Variants in GUCY2C observed in about 807,000 individuals in gnomAD.
GUCY2C encodes the protein guanylyl cyclase C.
GUCY2C carries 118 observed loss-of-function variants against 131.1 expected under a neutral mutation model. The observed-to-expected ratio is 0.90, with a 90% CI of 0.78 to 1.05. The LOEUF is 1.05. Among genes scored for constraint, GUCY2C ranks in the 50% least tolerant of loss-of-function variants. GUCY2C has a pLI of 0.00. For missense variants in GUCY2C, 1,161 were observed against 1,304.4 expected (o/e 0.89, Z 1.69); for synonymous variants, 452 against 457.8 (o/e 0.99, Z 0.16).
chr12:14,634,439 G>A (rs911963294), intron 19 of GUCY2C, among the ~76,000 whole-genome samples: 2 of 152,152 alleles, frequency 1.3e-5, no homozygotes, highest in African/African-American at 4.8e-5. Context: ...GAAAACACAT[G>A]AAAGTATGAA....
intron 11 of GUCY2C, among the ~76,000 whole-genome samples, chr12:14,659,553 T>C (rs781017331): frequency 1.3e-5 from 2 of 152,214 alleles, no homozygotes; most frequent in African/African-American, 4.8e-5. Flanking sequence ...ATTCTCTTTG[T>C]ATGCTTCCAT....
At position 14,660,963 on chromosome 12, in the gene GUCY2C, T is replaced by C; in HGVS notation, c.1364+18A>G. 2.6e-6 allele frequency: 4 copies of C among 1,555,942 alleles called. No individual in the cohort carries two copies. The highest frequency in any genetic ancestry group is 3.5e-6 in the Non-Finnish European group (4 of 1,126,892). On this transcript the variant is annotated intron_variant, in intron 11 of 26. Transcript: ENST00000261170. ...CCTCTCTGGATACCGAACACAGGCATGATAGAGGCGGCTGTACCTGAGCAT... is the reference window on the plus strand; with the variant it reads ...CCTCTCTGGATACCGAACACAGGCACGATAGAGGCGGCTGTACCTGAGCAT...
chr12:14,616,713 C>G lies in GUCY2C; in HGVS notation c.2890G>C (p.Val964Leu). The part of the protein sequence containing the change: ...ESTGLPLRIH[V>L]SGSTIAILKR... ...AGGATGGCTATGGTGGAGCCACTCA[C>G]GTGAATTCTCAAAGCTGGAAATGCA... The change falls in exon 25 of 27, where the codon GTG (valine) becomes CTG (leucine). Residue 964 changes from valine to leucine, a missense_variant. By Grantham distance (32) the Val-to-Leu change is conservative (BLOSUM62 1). Coordinates refer to ENST00000261170, the MANE Select transcript of GUCY2C (RefSeq NM_004963.4). 1.9e-6 allele frequency: 3 copies of G among 1,600,142 alleles called. No homozygotes were observed. Among genetic ancestry groups the G allele is most frequent in the Non-Finnish European group, 2.6e-6 (3 of 1,167,462 alleles).
At chr12:14,622,282 G>T in intron 21 of GUCY2C, 85 bp from the exon 22 acceptor site, 1 of 772,248 alleles carries the variant, frequency 1.3e-6, no homozygotes, top group Non-Finnish European at 2.0e-6. Flanking sequence ...AGTAGTGATT[G>T]TCTACCAAGA....
At chr12:14,632,993 C>T (rs1167988610) in intron 19 of GUCY2C, among the ~76,000 whole-genome samples, 1 of 152,170 alleles carries the variant, frequency 6.6e-6, no homozygotes, top group Non-Finnish European at 1.5e-5. Context: ...AGAAGCTTGT[C>T]CTATCATGGC....
intron 11 of GUCY2C, among the ~76,000 whole-genome samples, chr12:14,657,562 A>AG (rs1947786653): frequency 1.3e-5 from 2 of 152,150 alleles, no homozygotes; most frequent in African/African-American, 4.8e-5. Flanking sequence ...GCTGCACAGC[A>AG]GGAGGTGAGA....
chr12:14,615,208 G>A (rs1946734737), intron 25 of GUCY2C, among the ~76,000 whole-genome samples: 1 of 151,872 alleles, frequency 6.6e-6, no homozygotes, highest in South Asian at 2.1e-4. Flanking sequence ...TTCCCCAAAA[G>A]ACATTTTAAA....
At chr12:14,685,127 G>A (rs960495925) in intron 3 of GUCY2C, among the ~76,000 whole-genome samples, 2 of 152,156 alleles carry the variant, frequency 1.3e-5, no homozygotes, top group Non-Finnish European at 2.9e-5. Flanking sequence ...AAAATGCTTT[G>A]CACGTAGAAG....
intron 5 of GUCY2C, 143 bp downstream of exon 5, chr12:14,681,213 A>G (rs1948340569): frequency 1.5e-6 from 1 of 679,980 alleles, no homozygotes; most frequent in Admixed American, 2.8e-5. Context: ...GTTGCATGCA[A>G]TTATAGATCT....
At chr12:14,666,322 A>C (rs1470890375) in intron 10 of GUCY2C, among the ~76,000 whole-genome samples, 1 of 152,246 alleles carries the variant, frequency 6.6e-6, no homozygotes, top group Admixed American at 6.5e-5. Flanking sequence ...CCTGGCTTTT[A>C]GTACAGCTGC....
chr12:14,686,185 C>T lies in GUCY2C; in HGVS notation c.371G>A (p.Cys124Tyr). ...RMGCVLIGPS[C>Y]TYSTFQMYLD... ...CTACATCTGGAAGGTGGAGTATGTACATGAGGGCCCTATGAGGACACAGCC... is the reference window on the plus strand; with the variant it reads ...CTACATCTGGAAGGTGGAGTATGTATATGAGGGCCCTATGAGGACACAGCC... The change falls in exon 3 of 27, where the codon TGT (cysteine) becomes TAT (tyrosine). Residue 124 changes from cysteine to tyrosine, a missense_variant. Transcript: ENST00000261170. 6.2e-7 allele frequency: 1 copy of T among 1,606,956 alleles called. No individual in the cohort carries two copies. Among genetic ancestry groups the T allele is most frequent in the Non-Finnish European group, 8.5e-7 (1 of 1,173,532 alleles).
At chr12:14,645,808 T>G (rs1007075127) in intron 15 of GUCY2C, among the ~76,000 whole-genome samples, 1 of 152,022 alleles carries the variant, frequency 6.6e-6, no homozygotes, top group African/African-American at 2.4e-5. Context: ...TTGTGAATTG[T>G]ATGACCTGGA....
Position 14,696,453 on chromosome 12 carries a change from C to T in GUCY2C, c.-5G>A, listed in dbSNP as rs1190553787. The T allele has an allele frequency of 1.2e-6, 2 of 1,610,406 alleles. No homozygotes were observed. The highest frequency in any genetic ancestry group is 1.1e-5 in the South Asian group (1 of 90,944). ...GTCCAACAGCAACGTCTTCATGACC[C>T]CAATCACGTTAGAACCATACTCCTT... On this transcript the variant is annotated 5_prime_UTR_variant, in exon 1 of 27. Coordinates refer to ENST00000261170, the MANE Select transcript of GUCY2C (RefSeq NM_004963.4).
At chr12:14,686,408 G>A (rs560482351) in intron 2 of GUCY2C, among the ~76,000 whole-genome samples, 183 bp from the exon 3 acceptor site, 5 of 152,276 alleles carry the variant, frequency 3.3e-5, no homozygotes, top group South Asian at 2.1e-4. Context: ...GGAGAGGTTC[G>A]AGAGGGAAAA....
At chr12:14,642,008 T>G (rs1004790451) in intron 17 of GUCY2C, among the ~76,000 whole-genome samples, 4 of 152,086 alleles carry the variant, frequency 2.6e-5, no homozygotes, top group Non-Finnish European at 4.4e-5. Flanking sequence ...TTAGTTAATG[T>G]GTATATGCAT....
intron 21 of GUCY2C, among the ~76,000 whole-genome samples, chr12:14,624,864 A>G (rs1946974987): frequency 6.6e-6 from 1 of 152,214 alleles, no homozygotes; most frequent in Non-Finnish European, 1.5e-5. Flanking sequence ...TTAATGGTTA[A>G]AACCACCGCC....
rs186426313 is a variant in GUCY2C at position 14,656,720 on chromosome 12, T to C, written c.1365-103A>G. 9.6e-5 allele frequency: 57 copies of C among 596,518 alleles called. No homozygotes were observed. In the East Asian group the frequency reaches 1.4e-3, roughly 15 times the overall value. The allele number at this position is 596,518 out of a possible 1,614,324, so 37.0% of individuals were successfully genotyped here. Reference sequence around the variant, plus strand: ...TAGAACCCTGGTATGCTCAGGTAGATATGTGTGAGGGAAGGTAGCCCAATG... The same window carrying C: ...TAGAACCCTGGTATGCTCAGGTAGACATGTGTGAGGGAAGGTAGCCCAATG... On this transcript the variant is annotated intron_variant, in intron 11 of 26. Coordinates refer to ENST00000261170, the MANE Select transcript of GUCY2C (RefSeq NM_004963.4).
rs1334425116 is a variant in GUCY2C at position 14,672,879 on chromosome 12, G to A, written c.1164C>T (p.Thr388=). The A allele has an allele frequency of 1.3e-6, 2 of 1,581,620 alleles. No homozygotes were observed. The highest frequency in any genetic ancestry group is 1.7e-6 in the Non-Finnish European group (2 of 1,151,064). The change falls in exon 9 of 27, where the codon ACC becomes ACT. Residue 388 remains threonine (T), a synonymous_variant. Transcript: ENST00000261170. The part of the protein sequence containing the change: ...TMVLLYTSVD[T]KKYKVLLTYD... The stretch of plus-strand genomic sequence containing the variant: ...GATAAGCAGTGAGACATACTTTCTT[G>A]GTGTCCACAGAGGTATACAGAAGCA...
At chr12:14,653,832 A>C (rs1198072252) in intron 12 of GUCY2C, among the ~76,000 whole-genome samples, 1 of 152,234 alleles carries the variant, frequency 6.6e-6, no homozygotes, top group African/African-American at 2.4e-5. Context: ...TTGCAGACTA[A>C]CAAATGTCAG....
Sources: allele counts gnomAD v4.1 joint callset (sites outside exome capture counted in the v4.1 genomes callset), GRCh38; gene constraint gnomAD v4.1.1; transcripts MANE v1.5; gene names NCBI Gene and HGNC (gene_info 2026-07-23, HGNC 2026-07-21).